Variants in HEMK2 observed in about 807,000 individuals in gnomAD.
HEMK2 encodes HemK methyltransferase 2, ETF1 glutamine and histone H4 lysine.
At chr21:28,602,971 C>A in the HEMK2 span, among the ~76,000 whole-genome samples, 1 of 152,216 alleles carries the variant, frequency 6.6e-6, no homozygotes, top group African/African-American at 2.4e-5. Context: ...CAGCACCTGA[C>A]ACTCGTCTTA....
the HEMK2 span, among the ~76,000 whole-genome samples, chr21:28,756,585 G>C: frequency 6.6e-6 from 1 of 152,148 alleles, no homozygotes; most frequent in Non-Finnish European, 1.5e-5. Flanking sequence ...TTGTGAGATA[G>C]ATATCACTTA....
chr21:28,809,587 T>G, the HEMK2 span, among the ~76,000 whole-genome samples: 1 of 152,214 alleles, frequency 6.6e-6, no homozygotes, highest in East Asian at 1.9e-4. Context: ...GGCTACTAAC[T>G]TCATTTAAAA....
At chr21:28,833,251 C>T in the HEMK2 span, among the ~76,000 whole-genome samples, 10 of 152,302 alleles carry the variant, frequency 6.6e-5, 1 homozygote, top group South Asian at 2.1e-4. Flanking sequence ...TAAAACCGCA[C>T]AGAATTTTAG....
At chr21:28,694,659 G>C in the HEMK2 span, among the ~76,000 whole-genome samples, 2 of 151,808 alleles carry the variant, frequency 1.3e-5, no homozygotes, top group Admixed American at 6.6e-5. Context: ...TCTCTGCCTG[G>C]AACATTTATC....
chr21:28,732,438 C>G, the HEMK2 span, among the ~76,000 whole-genome samples: 1 of 152,224 alleles, frequency 6.6e-6, no homozygotes, highest in Non-Finnish European at 1.5e-5. Flanking sequence ...GTGCTGGCAT[C>G]AAGGGATGTC....
the HEMK2 span, among the ~76,000 whole-genome samples, chr21:28,685,690 C>T: frequency 1.3e-5 from 2 of 152,048 alleles, no homozygotes; most frequent in South Asian, 2.1e-4. Flanking sequence ...TGTACTATTG[C>T]AATAAGGAAA....
At chr21:28,866,175 A>AACAAAAAC in the HEMK2 span, among the ~76,000 whole-genome samples, 2 of 76,234 alleles carry the variant, frequency 2.6e-5, no homozygotes, top group Non-Finnish European at 5.0e-5. Context: ...CAAAAAAAAA[A>AACAAAAAC]ACACACACAC....
At chr21:28,829,783 TCTGTTTCTAAAA>T in the HEMK2 span, among the ~76,000 whole-genome samples, 1 of 152,212 alleles carries the variant, frequency 6.6e-6, no homozygotes, top group Non-Finnish European at 1.5e-5. Context: ...GAACATACAC[TCTGTTTCTAAAA>T]CTTTGGAAAA....
the HEMK2 span, among the ~76,000 whole-genome samples, chr21:28,838,161 G>A: frequency 2.6e-5 from 4 of 152,222 alleles, no homozygotes; most frequent in East Asian, 3.9e-4. Context: ...ACAAGATAAA[G>A]AAAGAAGGAA....
At chr21:28,783,616 G>A in the HEMK2 span, among the ~76,000 whole-genome samples, 10 of 152,330 alleles carry the variant, frequency 6.6e-5, no homozygotes, top group South Asian at 2.1e-4. Flanking sequence ...GCCCTCGCTC[G>A]CTCTTGGCAC....
the HEMK2 span, among the ~76,000 whole-genome samples, chr21:28,743,875 C>G: frequency 6.6e-6 from 1 of 152,040 alleles, no homozygotes; most frequent in African/African-American, 2.4e-5. Context: ...AAGAAAATAG[C>G]CATGGGACAT....
the HEMK2 span, among the ~76,000 whole-genome samples, chr21:28,589,963 T>C: frequency 6.6e-6 from 1 of 152,134 alleles, no homozygotes; most frequent in Admixed American, 6.5e-5. Flanking sequence ...CCAGCTTCCT[T>C]CAGCTGCGAT....
chr21:28,679,452 T>G, the HEMK2 span, among the ~76,000 whole-genome samples: 85,346 of 151,708 alleles, frequency 0.56, 26,848 homozygotes, highest in East Asian at 0.84. Context: ...ATACTAATGG[T>G]AGACTTTAAC....
chr21:28,754,556 T>C, the HEMK2 span, among the ~76,000 whole-genome samples: 1 of 152,222 alleles, frequency 6.6e-6, no homozygotes, highest in Non-Finnish European at 1.5e-5. Context: ...AAGCGGAAAT[T>C]CTGAGAGGCG....
the HEMK2 span, among the ~76,000 whole-genome samples, chr21:28,791,655 C>T: frequency 6.6e-6 from 1 of 151,926 alleles, no homozygotes; most frequent in Non-Finnish European, 1.5e-5. Flanking sequence ...AAACTGAGAC[C>T]CACTACTCTG....
the HEMK2 span, among the ~76,000 whole-genome samples, chr21:28,761,584 A>G: frequency 6.7e-6 from 1 of 148,416 alleles, no homozygotes; most frequent in Non-Finnish European, 1.5e-5. Flanking sequence ...CAGTTTCTCT[A>G]TCTGCTCTAC....
the HEMK2 span, among the ~76,000 whole-genome samples, chr21:28,765,690 T>C: frequency 6.6e-6 from 1 of 151,932 alleles, no homozygotes; most frequent in Non-Finnish European, 1.5e-5. Context: ...TAGCCAGATA[T>C]GAGGAATAAC....
the HEMK2 span, among the ~76,000 whole-genome samples, chr21:28,583,449 G>T: frequency 6.6e-6 from 1 of 152,136 alleles, no homozygotes; most frequent in Non-Finnish European, 1.5e-5. Flanking sequence ...AGTCCTCCCT[G>T]CCCTCTGGTC....
chr21:28,870,310 C>T, the HEMK2 span, among the ~76,000 whole-genome samples: 1,917 of 152,336 alleles, frequency 0.013, 66 homozygotes, highest in Admixed American at 0.068. Context: ...ATATCTGTTA[C>T]AACTGATGAA....
Sources: gnomAD v4.1 joint callset for allele counts (sites outside exome capture counted in the v4.1 genomes callset) on GRCh38, gnomAD v4.1.1 for gene constraint, MANE v1.5 for transcripts, NCBI Gene and HGNC (gene_info 2026-07-23, HGNC 2026-07-21) for gene names.